The following CSMD3 variants were observed in gnomAD, a reference collection of about 807,000 sequenced individuals.
CSMD3 encodes the protein CUB and Sushi multiple domains 3.
A neutral mutation model predicts 435.2 loss-of-function variants in CSMD3; 177 were observed. The ratio of observed to expected loss-of-function variants is 0.41; its 90% CI spans 0.36 to 0.46. The LOEUF is 0.46. Ranked by LOEUF, CSMD3 falls within the 20% of genes least tolerant of loss-of-function variation. The pLI is 0.34. For missense variants in CSMD3, 4,265 were observed against 4,504.6 expected (o/e 0.95, Z 1.52); for synonymous variants, 1,656 against 1,520.5 (o/e 1.09, Z -2.07).
chr8:112,767,290 G>A (rs2078003389), intron 13 of CSMD3, among the ~76,000 whole-genome samples: 1 of 151,834 alleles, frequency 6.6e-6, no homozygotes, highest in East Asian at 1.9e-4. Context: ...TGGTTAATTT[G>A]AGCAGAGAAG....
chr8:112,822,076 G>A (rs900684994), intron 12 of CSMD3, among the ~76,000 whole-genome samples: 2 of 152,110 alleles, frequency 1.3e-5, no homozygotes, highest in African/African-American at 4.8e-5. Context: ...TTTGAGGTCA[G>A]GTACCATGAT....
chr8:112,524,951 T>C (rs1473606666), intron 27 of CSMD3, among the ~76,000 whole-genome samples: 4 of 151,920 alleles, frequency 2.6e-5, no homozygotes, highest in Admixed American at 1.3e-4. Context: ...AAGAATGTGT[T>C]TTTTCAATAT....
intron 45 of CSMD3, among the ~76,000 whole-genome samples, chr8:112,332,552 A>C (rs1483545084): frequency 1.3e-5 from 2 of 152,172 alleles, no homozygotes; most frequent in East Asian, 1.9e-4. Flanking sequence ...TAGGAATGAA[A>C]GCAGTGCTTT....
At chr8:112,266,695 C>T (rs1418894842) in intron 59 of CSMD3, among the ~76,000 whole-genome samples, 1 of 152,092 alleles carries the variant, frequency 6.6e-6, no homozygotes, top group Non-Finnish European at 1.5e-5. Context: ...AGACTTGAGA[C>T]AGCTTAGAAA....
intron 10 of CSMD3, among the ~76,000 whole-genome samples, chr8:112,889,233 T>G (rs1287046225): frequency 6.6e-6 from 1 of 151,634 alleles, no homozygotes; most frequent in Non-Finnish European, 1.5e-5. Flanking sequence ...TCCCAAATAA[T>G]AGATTTAGAG....
At chr8:112,228,416 C>T (rs562259554) in intron 70 of CSMD3, among the ~76,000 whole-genome samples, 11 of 152,242 alleles carry the variant, frequency 7.2e-5, no homozygotes, top group South Asian at 4.1e-4. Context: ...TATTACCTCT[C>T]CAATTTAAAC....
At chr8:112,880,850 G>T (rs769310535) in intron 10 of CSMD3, among the ~76,000 whole-genome samples, 2 of 151,900 alleles carry the variant, frequency 1.3e-5, no homozygotes, top group South Asian at 4.2e-4. Flanking sequence ...GAGTAATATG[G>T]TAAGCCTATA....
At chr8:112,829,150 T>C (rs1322041911) in intron 12 of CSMD3, among the ~76,000 whole-genome samples, 1 of 152,178 alleles carries the variant, frequency 6.6e-6, no homozygotes, top group Non-Finnish European at 1.5e-5. Flanking sequence ...TTTTTTAACA[T>C]TTATATCAGT....
intron 32 of CSMD3, among the ~76,000 whole-genome samples, chr8:112,457,896 T>G (rs1817002557): frequency 6.6e-6 from 1 of 152,128 alleles, no homozygotes; most frequent in African/African-American, 2.4e-5. Context: ...TAAGCAAACA[T>G]TTGGTTAATG....
chr8:112,826,828 C>T (rs2079695294), intron 12 of CSMD3, among the ~76,000 whole-genome samples: 1 of 152,072 alleles, frequency 6.6e-6, no homozygotes, highest in African/African-American at 2.4e-5. Context: ...TCATTGGAAA[C>T]TTTAAATTTG....
chr8:112,297,499 A>C (rs1820431399), intron 53 of CSMD3, among the ~76,000 whole-genome samples: 2 of 152,098 alleles, frequency 1.3e-5, no homozygotes, highest in African/African-American at 4.8e-5. Context: ...CAATCTATGC[A>C]GAAAAAGTAT....
At chr8:112,815,630 A>G (rs1405251228) in intron 12 of CSMD3, among the ~76,000 whole-genome samples, 1 of 152,164 alleles carries the variant, frequency 6.6e-6, no homozygotes, top group East Asian at 1.9e-4. Flanking sequence ...AATATTCCTG[A>G]GAACAAAAGG....
intron 58 of CSMD3, among the ~76,000 whole-genome samples, chr8:112,284,316 AC>A (rs1228193577): frequency 6.6e-6 from 1 of 151,868 alleles, no homozygotes; most frequent in Non-Finnish European, 1.5e-5. Flanking sequence ...TTCTGAAAAT[AC>A]CTTTCATGTT....
chr8:113,349,154 T>C (rs2094172875), intron 1 of CSMD3, among the ~76,000 whole-genome samples: 1 of 152,120 alleles, frequency 6.6e-6, no homozygotes. Context: ...TTAGTGCCCT[T>C]ACCAAATCAA....
intron 67 of CSMD3, among the ~76,000 whole-genome samples, chr8:112,235,195 CA>C (rs1458091904): frequency 1.3e-5 from 2 of 152,070 alleles, no homozygotes; most frequent in Non-Finnish European, 2.9e-5. Flanking sequence ...GCCTAAGCAA[CA>C]TGGCAAAACC....
chr8:113,240,730 T>G (rs1005931389), intron 3 of CSMD3, among the ~76,000 whole-genome samples: 1 of 152,158 alleles, frequency 6.6e-6, no homozygotes, highest in African/African-American at 2.4e-5. Flanking sequence ...TATTGCAACA[T>G]GAACAGGTAA....
At chr8:112,488,525 A>C (rs951666969) in intron 31 of CSMD3, among the ~76,000 whole-genome samples, 1 of 152,216 alleles carries the variant, frequency 6.6e-6, no homozygotes, top group African/African-American at 2.4e-5. Flanking sequence ...TAGGAATCAC[A>C]GTTAACTTCC....
intron 32 of CSMD3, among the ~76,000 whole-genome samples, chr8:112,446,496 A>G (rs1359964371): frequency 6.6e-6 from 1 of 152,240 alleles, no homozygotes; most frequent in Non-Finnish European, 1.5e-5. Flanking sequence ...ACATACTGCT[A>G]AAGGCATTTT....
intron 3 of CSMD3, among the ~76,000 whole-genome samples, chr8:113,258,447 C>T (rs1262836268): frequency 2.0e-5 from 3 of 152,152 alleles, no homozygotes; most frequent in African/African-American, 7.2e-5. Context: ...AGACTACATT[C>T]TCCAGCAACC....
Sources: gnomAD v4.1 joint callset for allele counts (sites outside exome capture counted in the v4.1 genomes callset) on GRCh38, gnomAD v4.1.1 for gene constraint, MANE v1.5 for transcripts, NCBI Gene and HGNC (gene_info 2026-07-23, HGNC 2026-07-21) for gene names.